The following TMEM128 variants were observed in gnomAD, a reference collection of about 807,000 sequenced individuals.
TMEM128 encodes the protein transmembrane protein 128.
A neutral mutation model predicts 19.7 loss-of-function variants in TMEM128; 16 were observed. That is an observed-to-expected ratio of 0.81 (90% CI 0.55 to 1.23). The LOEUF is 1.23. Among genes scored for constraint, TMEM128 ranks in the 50% most tolerant of loss-of-function variants. The probability of loss-of-function intolerance (pLI) is 0.00; values close to 1 mark genes in which losing one functional copy is unlikely to be tolerated. For synonymous variants in TMEM128, 98 were observed against 75.8 expected (o/e 1.29, Z -1.52); for missense variants, 237 against 200.8 (o/e 1.18, Z -1.09).
intron 3 of TMEM128, among the ~76,000 whole-genome samples, chr4:4,239,194 T>C (rs1717847641): frequency 6.6e-6 from 1 of 152,350 alleles, no homozygotes. Flanking sequence ...TGAGCAAGTA[T>C]TACTTTTATA....
At chr4:4,245,487 C>T (rs1402820717) in intron 2 of TMEM128, among the ~76,000 whole-genome samples, 1 of 152,162 alleles carries the variant, frequency 6.6e-6, no homozygotes, top group Non-Finnish European at 1.5e-5. Context: ...CTCTTCCTCC[C>T]AGTACTCTTG....
chr4:4,243,035 C>T (rs1478594372), intron 2 of TMEM128, among the ~76,000 whole-genome samples: 1 of 152,134 alleles, frequency 6.6e-6, no homozygotes, highest in Non-Finnish European at 1.5e-5. Context: ...GTATTTTAAA[C>T]TGTGATTTCT....
At chr4:4,242,755 G>A (rs925773309) in intron 2 of TMEM128, among the ~76,000 whole-genome samples, 1 of 152,098 alleles carries the variant, frequency 6.6e-6, no homozygotes, top group African/African-American at 2.4e-5. Flanking sequence ...CTGACCTCAG[G>A]TGATCCATCC....
chr4:4,240,295 T>C (rs748557720), intron 3 of TMEM128, 26 bp downstream of exon 3: 2 of 1,611,880 alleles, frequency 1.2e-6, no homozygotes, highest in South Asian at 1.1e-5. Context: ...TGTTCATTCC[T>C]GTTAGTCATT....
chr4:4,243,731 AC>A (rs1718055112), intron 2 of TMEM128, among the ~76,000 whole-genome samples: 1 of 151,518 alleles, frequency 6.6e-6, no homozygotes, highest in Non-Finnish European at 1.5e-5. Context: ...TTTCTTTCCA[AC>A]CCCCACAGCC....
intron 3 of TMEM128, among the ~76,000 whole-genome samples, chr4:4,238,801 C>A (rs1717827895): frequency 6.6e-6 from 1 of 152,134 alleles, no homozygotes; most frequent in African/African-American, 2.4e-5. Flanking sequence ...GGGAGGCCAA[C>A]ACAAGCAGAT....
intron 1 of TMEM128, 153 bp downstream of exon 1, chr4:4,247,953 A>C (rs1365471583): frequency 4.2e-6 from 6 of 1,436,626 alleles, no homozygotes; most frequent in African/African-American, 2.9e-5. Flanking sequence ...GATGCACAGC[A>C]CTCCGCGATT....
chr4:4,237,927 A>T lies in TMEM128; in HGVS notation c.407T>A (p.Ile136Asn), dbSNP rs781675798. Residue 136 changes from isoleucine (I) to asparagine (N), a missense_variant, in exon 4 of 5, where the codon ATT becomes AAT. Coordinates refer to ENST00000382753, the MANE Select transcript of TMEM128 (RefSeq NM_001297551.2). ...AAACGACCACACATGCCATAAAGCA[A>T]TGTTGAAGCTGAAAAGAACAAGACA... The part of the protein sequence containing the change: ...SFIAAGICFN[I>N]ALWHVWSFFT... 1.3e-6 allele frequency: 2 copies of T among 1,560,056 alleles called. No homozygotes were observed. The highest frequency in any genetic ancestry group is 2.4e-5 in the South Asian group (2 of 84,232).
intron 3 of TMEM128, among the ~76,000 whole-genome samples, chr4:4,238,441 C>A (rs1717813113): frequency 1.3e-5 from 2 of 152,104 alleles, no homozygotes; most frequent in Admixed American, 1.3e-4. Flanking sequence ...ACTGAAATTT[C>A]TAAGAACAGA....
chr4:4,242,226 A>G (rs1717986926), intron 2 of TMEM128, among the ~76,000 whole-genome samples: 1 of 152,098 alleles, frequency 6.6e-6, no homozygotes, highest in African/African-American at 2.4e-5. Context: ...AGTTATATCT[A>G]TGAGGAAAAA....
chr4:4,245,243 GAT>G (rs2108821458), intron 2 of TMEM128, among the ~76,000 whole-genome samples: 1 of 152,218 alleles, frequency 6.6e-6, no homozygotes, highest in African/African-American at 2.4e-5. Context: ...AGGACCCTAG[GAT>G]ATGATTCCAA....
intron 2 of TMEM128, among the ~76,000 whole-genome samples, chr4:4,241,789 T>G (rs148114816): frequency 5.3e-5 from 8 of 152,352 alleles, no homozygotes; most frequent in Admixed American, 2.6e-4. Flanking sequence ...TTCAGAAATA[T>G]TGACAGTACT....
intron 2 of TMEM128, among the ~76,000 whole-genome samples, chr4:4,243,598 C>G (rs12512882): frequency 6.6e-6 from 1 of 151,932 alleles, no homozygotes; most frequent in Admixed American, 6.6e-5. Context: ...TACCCCCCAA[C>G]TCCCCTTAAT....
At chr4:4,242,607 T>C (rs7690631) in intron 2 of TMEM128, among the ~76,000 whole-genome samples, 46,911 of 151,260 alleles carry the variant, frequency 0.31, 7,884 homozygotes, top group East Asian at 0.46. Context: ...CAACCTCCAC[T>C]TCCCAGGTTC....
At chr4:4,247,645 C>G in intron 1 of TMEM128, 1 of 1,614,194 alleles carries the variant, frequency 6.2e-7, no homozygotes, top group Non-Finnish European at 8.5e-7. Flanking sequence ...TTCCACACTT[C>G]CCTTTGAAAA....
At chr4:4,240,018 C>T (rs1169709300) in intron 3 of TMEM128, among the ~76,000 whole-genome samples, 4 of 152,156 alleles carry the variant, frequency 2.6e-5, no homozygotes, top group African/African-American at 9.7e-5. Context: ...AATTCATTCA[C>T]TAATTCATTC....
chr4:4,244,713 T>C (rs934662258), intron 2 of TMEM128, among the ~76,000 whole-genome samples: 2 of 152,100 alleles, frequency 1.3e-5, no homozygotes, highest in African/African-American at 4.8e-5. Flanking sequence ...CCTTTTCCTG[T>C]GGGGACTGCC....
chr4:4,243,325 G>A (rs1240127363), intron 2 of TMEM128, among the ~76,000 whole-genome samples: 1 of 151,836 alleles, frequency 6.6e-6, no homozygotes, highest in East Asian at 1.9e-4. Flanking sequence ...CTCGTGATCC[G>A]CCCGCCTCGG....
At chr4:4,237,558 C>T (rs147524065) in intron 4 of TMEM128, among the ~76,000 whole-genome samples, 1 of 152,178 alleles carries the variant, frequency 6.6e-6, no homozygotes, top group South Asian at 2.1e-4. Context: ...GGGAGGATTG[C>T]TTGAGCCCCC....
Sources: allele counts gnomAD v4.1 joint callset (sites outside exome capture counted in the v4.1 genomes callset), GRCh38; gene constraint gnomAD v4.1.1; transcripts MANE v1.5; gene names NCBI Gene and HGNC (gene_info 2026-07-23, HGNC 2026-07-21).